The following KIF11 variants were observed in gnomAD, a reference collection of about 807,000 sequenced individuals.
The protein encoded by KIF11 is kinesin-like protein KIF11.
KIF11 carries 9 observed loss-of-function variants against 121.0 expected under a neutral mutation model. That is an observed-to-expected ratio of 0.07 (90% CI 0.04 to 0.13). KIF11 has a LOEUF of 0.13. KIF11 is among the 10% of genes least tolerant of loss of function. KIF11 has a pLI of 1.00. For synonymous variants in KIF11, 408 were observed against 421.0 expected, an observed-to-expected ratio of 0.97 and a Z score of 0.38; for missense variants, 846 against 1,217.5, an observed-to-expected ratio of 0.69 and a Z score of 4.54.
intron 1 of KIF11, among the ~76,000 whole-genome samples, chr10:92,605,706 G>A (rs984496734): frequency 1.3e-5 from 2 of 151,984 alleles, no homozygotes; most frequent in Admixed American, 6.6e-5. Context: ...GGCTGGTCTC[G>A]AACTCCCGAC....
intron 4 of KIF11, 77 bp from the exon 5 acceptor site, chr10:92,608,943 A>G (rs367567698): frequency 2.7e-6 from 2 of 754,558 alleles, no homozygotes; most frequent in African/African-American, 3.6e-5. Flanking sequence ...TAAATATATT[A>G]TAAAGGAGGC....
intron 16 of KIF11, among the ~76,000 whole-genome samples, 196 bp downstream of exon 16, chr10:92,637,741 T>C (rs1844822960): frequency 6.6e-6 from 1 of 152,248 alleles, no homozygotes; most frequent in African/African-American, 2.4e-5. Flanking sequence ...GAAGTTTTGC[T>C]ACATCTAGAA....
chr10:92,593,312 G>T lies in KIF11; in HGVS notation c.-64G>T. 1.3e-6 allele frequency: 2 copies of T among 1,523,470 alleles called. No individual in the cohort carries two copies. Among genetic ancestry groups the T allele is most frequent in the Non-Finnish European group, 1.8e-6 (2 of 1,122,988 alleles). The allele number at this position is 1,523,470 out of a possible 1,614,324, so 94.4% of individuals were successfully genotyped here. A position where few individuals can be genotyped will look rare whatever the true frequency, so the allele number is the denominator to read the frequency against. On this transcript the variant is annotated 5_prime_UTR_variant, in exon 1 of 22. Transcript: ENST00000260731. ...GACTCCGGCCCCTGTCGGCCGCCAA[G>T]CCCCTCCGCCCCTCACAGCGCCCAG...
At chr10:92,606,444 T>G in intron 2 of KIF11, 47 bp downstream of exon 2, 1 of 1,466,776 alleles carries the variant, frequency 6.8e-7, no homozygotes, top group South Asian at 1.3e-5. Flanking sequence ...GTAAAATAAT[T>G]TTAATATACA....
At chr10:92,620,658 G>A (rs1165162043) in intron 9 of KIF11, among the ~76,000 whole-genome samples, 2 of 152,176 alleles carry the variant, frequency 1.3e-5, no homozygotes, top group Non-Finnish European at 2.9e-5. Context: ...TGGACTTATA[G>A]TTCCACATGT....
chr10:92,649,945 A>G lies in KIF11; in HGVS notation c.2881A>G (p.Met961Val). 9 of 1,613,280 alleles carry G rather than the reference A, an allele frequency of 5.6e-6. No individual in the cohort carries two copies. Among genetic ancestry groups the G allele is most frequent in the Non-Finnish European group, 7.6e-6 (9 of 1,179,376 alleles). ...LKRKQPELLM[M>V]LNCSENNKEE... ...AAGGAAACAGCCTGAGCTGTTAATG[A>G]TGCTAAACTGTTCAGAAAACAACAA... The change falls in exon 20 of 22, where the codon ATG (methionine) becomes GTG (valine). Residue 961 changes from methionine to valine, a missense_variant. Around this residue, in one of 5 missense-constraint regions of KIF11, gnomAD observed 492 missense variants for 603.4 expected, o/e 0.82. Coordinates refer to ENST00000260731, the MANE Select transcript of KIF11 (RefSeq NM_004523.4).
At position 92,593,329 on chromosome 10, in the gene KIF11, A is replaced by G. The variant is rs1283691932; in HGVS notation, c.-47A>G. On this transcript the variant is annotated 5_prime_UTR_variant, in exon 1 of 22. Coordinates refer to ENST00000260731, the MANE Select transcript of KIF11 (RefSeq NM_004523.4). ...GCCGCCAAGCCCCTCCGCCCCTCAC[A>G]GCGCCCAGGTCCGCGGCCGGGCCTT... The G allele has an allele frequency of 1.3e-6, 2 of 1,567,098 alleles. No homozygotes were observed. The highest frequency in any genetic ancestry group is 1.7e-6 in the Non-Finnish European group (2 of 1,154,790).
At position 92,653,645 on chromosome 10, in the gene KIF11, T is replaced by C; in HGVS notation, c.3040-20T>C. Reference sequence around the variant, plus strand: ...AATGTTACTTTGTATTGACTTAATTTTCCCGCCTTAAATCCACAGCATAAA... The same window carrying C: ...AATGTTACTTTGTATTGACTTAATTCTCCCGCCTTAAATCCACAGCATAAA... On this transcript the variant is annotated intron_variant, in intron 21 of 21. Coordinates refer to ENST00000260731, the MANE Select transcript of KIF11 (RefSeq NM_004523.4). The C allele has an allele frequency of 6.2e-7, 1 of 1,603,764 alleles. No individual in the cohort carries two copies.
intron 18 of KIF11, among the ~76,000 whole-genome samples, chr10:92,647,699 T>C (rs186979265): frequency 2.0e-3 from 304 of 152,204 alleles, no homozygotes; most frequent in Middle Eastern, 3.4e-3. Context: ...TATGGAGGAG[T>C]TGAGTGGCCA....
intron 1 of KIF11, among the ~76,000 whole-genome samples, chr10:92,599,791 T>A (rs1211759581): frequency 6.8e-6 from 1 of 148,096 alleles, no homozygotes; most frequent in Non-Finnish European, 1.5e-5. Context: ...TAGCTGGGAC[T>A]ACAGGCACAC....
chr10:92,607,415 C>T (rs1844441829), intron 4 of KIF11, among the ~76,000 whole-genome samples, 178 bp downstream of exon 4: 1 of 152,160 alleles, frequency 6.6e-6, no homozygotes, highest in African/African-American at 2.4e-5. Flanking sequence ...GTTTAAGAAA[C>T]AGCCTCAATG....
At chr10:92,628,921 G>C (rs763741141) in intron 11 of KIF11, 26 bp downstream of exon 11, 2 of 1,196,064 alleles carry the variant, frequency 1.7e-6, no homozygotes, top group South Asian at 2.7e-5. Flanking sequence ...GATATTTACT[G>C]TTATGTGAAA....
intron 10 of KIF11, among the ~76,000 whole-genome samples, chr10:92,625,350 C>CTTT (rs1209951689): frequency 1.4e-5 from 2 of 139,240 alleles, no homozygotes; most frequent in East Asian, 2.1e-4. Context: ...CATTTGCCCA[C>CTTT]TTTTTTTTTT....
Position 92,637,162 on chromosome 10 carries a change from ATT to A in KIF11, c.1876-20_1876-19del. On this transcript the variant is annotated intron_variant, in intron 14 of 21. Transcript: ENST00000260731. Reference sequence around the variant, plus strand: ...GTGGAAATATTCTTTTTAAAGACCTATTTGTTTATTTCTGAAACCAGAATGTA... The same window carrying A: ...GTGGAAATATTCTTTTTAAAGACCTATGTTTATTTCTGAAACCAGAATGTA... 1 of 1,553,204 alleles carries A rather than the reference ATT, an allele frequency of 6.4e-7. No homozygotes were observed. Among genetic ancestry groups the A allele is most frequent in the South Asian group, 1.2e-5 (1 of 83,714 alleles).
At chr10:92,649,793 C>G (rs1411049457) in intron 19 of KIF11, 42 bp from the exon 20 acceptor site, 14 of 1,387,860 alleles carry the variant, frequency 1.0e-5, no homozygotes, top group Non-Finnish European at 9.9e-6. Flanking sequence ...ATATTTACAT[C>G]TCATACTTTA....
chr10:92,614,160 G>A (rs1020895819), intron 8 of KIF11, among the ~76,000 whole-genome samples: 3 of 149,654 alleles, frequency 2.0e-5, no homozygotes, highest in Non-Finnish European at 2.9e-5. Context: ...GCGATGACGC[G>A]ATCTCGGCTC....
rs185175870 is a variant in KIF11, at chr10:92,593,299, T to G, written c.-77T>G. 6.8e-7 allele frequency: 1 copy of G among 1,466,768 alleles called. No homozygotes were observed. The highest frequency in any genetic ancestry group is 1.2e-5 in the South Asian group (1 of 80,332). 90.9% of individuals were successfully genotyped at this position (1,466,768 alleles called of 1,614,324 possible). Reference sequence around the variant, plus strand: ...GAGGGACCAGGGAGACTCCGGCCCCTGTCGGCCGCCAAGCCCCTCCGCCCC... The same window carrying G: ...GAGGGACCAGGGAGACTCCGGCCCCGGTCGGCCGCCAAGCCCCTCCGCCCC... On this transcript the variant is annotated 5_prime_UTR_variant, in exon 1 of 22. Transcript: ENST00000260731.
intron 17 of KIF11, among the ~76,000 whole-genome samples, chr10:92,642,914 TTTTA>T (rs1370492685): frequency 6.6e-6 from 1 of 152,216 alleles, no homozygotes; most frequent in Non-Finnish European, 1.5e-5. Context: ...GATGTTTTAT[TTTTA>T]TTTATTTATT....
chr10:92,632,824 G>A, intron 13 of KIF11, 131 bp downstream of exon 13: 1 of 491,308 alleles, frequency 2.0e-6, no homozygotes, highest in Non-Finnish European at 3.5e-6. Flanking sequence ...TTTGTTCAGG[G>A]TGAAGATTAA....
Sources: gnomAD v4.1 joint callset for allele counts (sites outside exome capture counted in the v4.1 genomes callset) on GRCh38, gnomAD v4.1.1 for gene constraint, gnomAD v4.1.1 regional missense constraint, MANE v1.5 for transcripts, NCBI Gene and HGNC (gene_info 2026-07-23, HGNC 2026-07-21) for gene names.